PDZRN4: variants seen among roughly 807,000 people sequenced by gnomAD.
PDZRN4 encodes PDZ domain containing ring finger 4.
A neutral mutation model predicts 99.0 loss-of-function variants in PDZRN4; 70 were observed. That is an observed-to-expected ratio of 0.71 (90% CI 0.58 to 0.86). The LOEUF (loss-of-function observed/expected upper bound fraction) is 0.86. PDZRN4 is among the 40% of genes least tolerant of loss of function. The pLI, the probability that PDZRN4 is intolerant of heterozygous loss-of-function variation, is 0.00. For missense variants in PDZRN4, 1,474 were observed against 1,331.2 expected, an observed-to-expected ratio of 1.11 and a Z score of -1.67; for synonymous variants, 551 against 501.6, an observed-to-expected ratio of 1.10 and a Z score of -1.32.
At chr12:41,467,707 C>A (rs1038325718) in intron 3 of PDZRN4, among the ~76,000 whole-genome samples, 5 of 152,198 alleles carry the variant, frequency 3.3e-5, no homozygotes, top group African/African-American at 1.2e-4. Flanking sequence ...TGGACTCTAG[C>A]TTCCCTGCTA....
intron 3 of PDZRN4, among the ~76,000 whole-genome samples, chr12:41,476,818 G>A (rs1362137761): frequency 2.6e-5 from 4 of 152,214 alleles, no homozygotes; most frequent in Admixed American, 6.5e-5. Context: ...ATCTGTGGAA[G>A]CTGGAAAGCA....
chr12:41,410,728 C>T lies in PDZRN4; in HGVS notation c.844-95728C>T, dbSNP rs536272963. Reference sequence around the variant, plus strand: ...TTAAACCTGTCTCAGCCTTAATTTCCTCATCTTTAAAAGTGAAAGGGCTGT... The same window carrying T: ...TTAAACCTGTCTCAGCCTTAATTTCTTCATCTTTAAAAGTGAAAGGGCTGT... On this transcript the variant is annotated intron_variant, in intron 3 of 9. Coordinates refer to ENST00000402685, the MANE Select transcript of PDZRN4 (RefSeq NM_001164595.2). Among the ~76,000 whole-genome samples the T allele has an allele frequency of 1.1e-4, 16 of 152,256 alleles. No homozygotes were observed. In the East Asian group the frequency reaches 2.7e-3, roughly 26 times the overall value.
At chr12:41,540,774 C>T (rs1938837300) in intron 5 of PDZRN4, among the ~76,000 whole-genome samples, 1 of 152,166 alleles carries the variant, frequency 6.6e-6, no homozygotes, top group African/African-American at 2.4e-5. Flanking sequence ...TGCTTTGGAG[C>T]AGTCTTTCAG....
Position 41,363,482 on chromosome 12 carries a change from C to T in PDZRN4, c.844-142974C>T, listed in dbSNP as rs1951976675. ...TGCATTTATTCAAGTTGCATTTGTT[C>T]AGGTGCATTTGTTAAGGATGTATTT... On this transcript the variant is annotated intron_variant, in intron 3 of 9. Transcript: ENST00000402685. 3.3e-5 allele frequency among the ~76,000 whole-genome samples: 5 copies of T among 151,986 alleles called. No individual in the cohort carries two copies. In the South Asian group the frequency reaches 8.3e-4, roughly 25 times the overall value.
intron 3 of PDZRN4, among the ~76,000 whole-genome samples, chr12:41,309,056 AG>A (rs1444001873): frequency 6.6e-6 from 1 of 152,170 alleles, no homozygotes; most frequent in Non-Finnish European, 1.5e-5. Context: ...CCTAGATTAA[AG>A]ACCTACAATA....
chr12:41,540,891 GT>G, intron 5 of PDZRN4, among the ~76,000 whole-genome samples: 1 of 113,384 alleles, frequency 8.8e-6, no homozygotes, highest in Non-Finnish European at 1.9e-5. Flanking sequence ...TGTTGTTGTT[GT>G]CCCTTTTCTT....
chr12:41,243,493 G>A (rs1334904068), intron 3 of PDZRN4, among the ~76,000 whole-genome samples: 2 of 152,152 alleles, frequency 1.3e-5, no homozygotes, highest in South Asian at 2.1e-4. Flanking sequence ...TAGCTGAGAA[G>A]CAGAAGTTAT....
intron 3 of PDZRN4, among the ~76,000 whole-genome samples, chr12:41,286,147 G>A (rs1490386373): frequency 6.6e-6 from 1 of 151,868 alleles, no homozygotes; most frequent in Non-Finnish European, 1.5e-5. Context: ...TCACACTAAG[G>A]AGACTATTCT....
At chr12:41,388,199 G>A (rs997461313) in intron 3 of PDZRN4, among the ~76,000 whole-genome samples, 1 of 151,994 alleles carries the variant, frequency 6.6e-6, no homozygotes, top group African/African-American at 2.4e-5. Context: ...ATGTAATGAT[G>A]AGACCACATG....
intron 3 of PDZRN4, among the ~76,000 whole-genome samples, chr12:41,376,969 A>G (rs1952086800): frequency 6.6e-6 from 1 of 152,164 alleles, no homozygotes; most frequent in South Asian, 2.1e-4. Flanking sequence ...TTCCAACACC[A>G]TTTGTTGAAG....
intron 3 of PDZRN4, among the ~76,000 whole-genome samples, chr12:41,340,490 T>A (rs1951808004): frequency 1.3e-5 from 2 of 151,804 alleles, no homozygotes; most frequent in Non-Finnish European, 2.9e-5. Flanking sequence ...AAAAATATAA[T>A]TAGATGTAAT....
intron 3 of PDZRN4, among the ~76,000 whole-genome samples, chr12:41,336,785 G>C (rs552961780): frequency 6.6e-6 from 1 of 151,886 alleles, no homozygotes; most frequent in African/African-American, 2.4e-5. Flanking sequence ...CATGGGGGTC[G>C]CTGTGAGTTT....
At chr12:41,408,291 T>G (rs1437065095) in intron 3 of PDZRN4, among the ~76,000 whole-genome samples, 5 of 152,238 alleles carry the variant, frequency 3.3e-5, no homozygotes. Context: ...AGCTTATTGT[T>G]TTTAATTTAG....
At chr12:41,404,220 T>C (rs571822775) in intron 3 of PDZRN4, among the ~76,000 whole-genome samples, 39 of 152,242 alleles carry the variant, frequency 2.6e-4, no homozygotes, top group Middle Eastern at 6.8e-3. Context: ...AATCCACAGA[T>C]GCAAAACCCA....
At chr12:41,254,034 C>T (rs202160482) in intron 3 of PDZRN4, among the ~76,000 whole-genome samples, 4 of 149,172 alleles carry the variant, frequency 2.7e-5, no homozygotes, top group Non-Finnish European at 4.5e-5. Context: ...TATGTGTGTG[C>T]GTGTGTGTGT....
chr12:41,396,575 G>A, intron 3 of PDZRN4, among the ~76,000 whole-genome samples: 1 of 152,102 alleles, frequency 6.6e-6, no homozygotes. Flanking sequence ...AACAAAACTG[G>A]CTGTTTCAGG....
At position 41,237,340 on chromosome 12, in the gene PDZRN4, G is replaced by A. The variant is rs924018896; in HGVS notation, c.843+43152G>A. Among the ~76,000 whole-genome samples, 4 of 152,036 alleles carry A rather than the reference G, an allele frequency of 2.6e-5. No homozygotes were observed. In the East Asian group the frequency reaches 7.7e-4, roughly 29 times the overall value. On this transcript the variant is annotated intron_variant, in intron 3 of 9. Coordinates refer to ENST00000402685, the MANE Select transcript of PDZRN4 (RefSeq NM_001164595.2). The stretch of plus-strand genomic sequence containing the variant: ...GTATAAAACATCTGACAAAATTAAG[G>A]TCACTAAATATGGGCACGTTTGTAG...
Position 41,299,187 on chromosome 12 carries a change from G to A in PDZRN4, c.843+104999G>A, listed in dbSNP as rs183585067. ...AATAAAGAGAGCTGGCCATTTTCTCGAGCTGCTTTAAGCCCTAAAAATAAT... is the reference window on the plus strand; with the variant it reads ...AATAAAGAGAGCTGGCCATTTTCTCAAGCTGCTTTAAGCCCTAAAAATAAT... On this transcript the variant is annotated intron_variant, in intron 3 of 9. Coordinates refer to ENST00000402685, the MANE Select transcript of PDZRN4 (RefSeq NM_001164595.2). Among the ~76,000 whole-genome samples the A allele has an allele frequency of 1.0e-3, 158 of 152,108 alleles. 1 individual carries two copies. The highest frequency in any genetic ancestry group is 3.7e-3 in the African/African-American group (153 of 41,524).
intron 3 of PDZRN4, among the ~76,000 whole-genome samples, chr12:41,317,595 C>A (rs1236369733): frequency 6.6e-6 from 1 of 151,978 alleles, no homozygotes; most frequent in Non-Finnish European, 1.5e-5. Flanking sequence ...GAAGCAAAAG[C>A]AAAACAAAGA....
Sources: gnomAD v4.1 joint callset for allele counts (sites outside exome capture counted in the v4.1 genomes callset) on GRCh38, gnomAD v4.1.1 for gene constraint, MANE v1.5 for transcripts, NCBI Gene and HGNC (gene_info 2026-07-23, HGNC 2026-07-21) for gene names.